Variants in DTNA observed in about 807,000 individuals in gnomAD.
DTNA encodes the protein dystrobrevin alpha.
In DTNA, 43 loss-of-function variants were observed where a neutral mutation model predicts 100.7. The observed-to-expected ratio is 0.43, with a 90% CI of 0.33 to 0.55. The LOEUF is 0.55. DTNA is among the 20% of genes least tolerant of loss of function. DTNA has a pLI of 0.04. For missense variants in DTNA, 798 were observed against 953.9 expected (o/e 0.84, Z 2.15); for synonymous variants, 349 against 347.9 (o/e 1.00, Z -0.04).
intron 5 of DTNA, among the ~76,000 whole-genome samples, chr18:34,808,849 G>T (rs143959836): frequency 9.9e-5 from 15 of 152,258 alleles, no homozygotes; most frequent in Non-Finnish European, 2.1e-4. Flanking sequence ...TTTCTAGTCT[G>T]CAGAAACAAG....
intron 1 of DTNA, among the ~76,000 whole-genome samples, chr18:34,647,797 A>G (rs532072685): frequency 4.9e-4 from 75 of 152,354 alleles, no homozygotes; most frequent in African/African-American, 1.8e-3. Context: ...CAGCTAATAT[A>G]GGCTCTAAAA....
intron 1 of DTNA, among the ~76,000 whole-genome samples, chr18:34,518,373 CT>C: frequency 6.6e-6 from 1 of 151,890 alleles, no homozygotes; most frequent in African/African-American, 2.4e-5. Flanking sequence ...TGTATCTTGT[CT>C]TTTTTTCTTG....
In DTNA at chr18:34,587,401, C is replaced by T. The variant is rs1234646918; in HGVS notation, c.-2+93887C>T. ...CTCTCTCTTTCATTTTCTTTGTTCT[C>T]CTCTGCACTCCACATAGTGTGAAAT... On this transcript the variant is annotated intron_variant, in intron 1 of 19. Transcript: ENST00000283365. Among the ~76,000 whole-genome samples the T allele has an allele frequency of 2.6e-5, 4 of 152,174 alleles. No individual in the cohort carries two copies. In the East Asian group the frequency reaches 7.7e-4, roughly 29 times the overall value.
intron 1 of DTNA, among the ~76,000 whole-genome samples, chr18:34,626,651 G>A (rs1027439271): frequency 6.6e-6 from 1 of 152,096 alleles, no homozygotes; most frequent in Non-Finnish European, 1.5e-5. Flanking sequence ...GAAAATCAGG[G>A]AAGATCAGTT....
intron 1 of DTNA, among the ~76,000 whole-genome samples, chr18:34,748,899 G>A (rs1223929284): frequency 6.6e-6 from 1 of 152,166 alleles, no homozygotes; most frequent in Admixed American, 6.5e-5. Context: ...TGGGCACAAT[G>A]GTCATTTTCA....
At chr18:34,784,282 C>T (rs1012624277) in intron 3 of DTNA, among the ~76,000 whole-genome samples, 1 of 152,124 alleles carries the variant, frequency 6.6e-6, no homozygotes, top group Non-Finnish European at 1.5e-5. Context: ...AAGATATTCC[C>T]TCATTGAAAA....
chr18:34,635,056 C>T (rs1441367106), intron 1 of DTNA, among the ~76,000 whole-genome samples: 1 of 152,134 alleles, frequency 6.6e-6, no homozygotes, highest in Non-Finnish European at 1.5e-5. Flanking sequence ...TGCTAACCAC[C>T]ATTCTATTCT....
At chr18:34,653,590 A>T (rs1396375012) in intron 1 of DTNA, among the ~76,000 whole-genome samples, 1 of 152,134 alleles carries the variant, frequency 6.6e-6, no homozygotes, top group African/African-American at 2.4e-5. Flanking sequence ...TGGGAGGCTG[A>T]GGTGGGCGGA....
At chr18:34,705,079 G>C (rs1359331138) in intron 1 of DTNA, among the ~76,000 whole-genome samples, 1 of 152,018 alleles carries the variant, frequency 6.6e-6, no homozygotes, top group Non-Finnish European at 1.5e-5. Flanking sequence ...GGCCATAAAA[G>C]AACTCAGAGG....
intron 1 of DTNA, among the ~76,000 whole-genome samples, chr18:34,505,653 T>A (rs947135101): frequency 6.6e-6 from 1 of 152,202 alleles, no homozygotes; most frequent in Non-Finnish European, 1.5e-5. Context: ...TTTTGGGTAT[T>A]TTTTTCAATT....
chr18:34,541,880 G>A (rs761929530), intron 1 of DTNA, among the ~76,000 whole-genome samples: 1 of 152,012 alleles, frequency 6.6e-6, no homozygotes, highest in East Asian at 1.9e-4. Context: ...AAAGCTGCAA[G>A]GTGTGATGGG....
At chr18:34,597,327 C>T (rs192483246) in intron 1 of DTNA, among the ~76,000 whole-genome samples, 2 of 152,254 alleles carry the variant, frequency 1.3e-5, no homozygotes, top group East Asian at 3.9e-4. Context: ...TGGCCTATAT[C>T]CAGTACTAAG....
At chr18:34,714,266 A>G (rs879310304) in intron 1 of DTNA, among the ~76,000 whole-genome samples, 1 of 149,466 alleles carries the variant, frequency 6.7e-6, no homozygotes, top group Non-Finnish European at 1.5e-5. Context: ...TCTCCACAGC[A>G]AAAGAAACTA....
At chr18:34,813,899 C>A (rs2095541185) in intron 6 of DTNA, among the ~76,000 whole-genome samples, 1 of 149,202 alleles carries the variant, frequency 6.7e-6, no homozygotes, top group Non-Finnish European at 1.5e-5. Flanking sequence ...TTTTTTCATT[C>A]AATTTTACTG....
intron 4 of DTNA, among the ~76,000 whole-genome samples, chr18:34,796,760 C>A (rs1409177504): frequency 1.3e-5 from 2 of 152,132 alleles, no homozygotes; most frequent in Non-Finnish European, 2.9e-5. Flanking sequence ...AGAAACTTGG[C>A]CATTTTGTGG....
At chr18:34,508,857 A>G (rs936191483) in intron 1 of DTNA, among the ~76,000 whole-genome samples, 1 of 152,160 alleles carries the variant, frequency 6.6e-6, no homozygotes, top group African/African-American at 2.4e-5. Context: ...GTATGTTTCA[A>G]TTACATATAC....
At chr18:34,615,980 A>G (rs574340497) in intron 1 of DTNA, among the ~76,000 whole-genome samples, 9 of 152,234 alleles carry the variant, frequency 5.9e-5, no homozygotes, top group Middle Eastern at 3.4e-3. Context: ...TTTTTGTTCA[A>G]TCCACCATTA....
At chr18:34,859,787 C>G (rs1476954351) in intron 16 of DTNA, among the ~76,000 whole-genome samples, 1 of 151,718 alleles carries the variant, frequency 6.6e-6, no homozygotes, top group African/African-American at 2.4e-5. Context: ...TTCTCAGAGT[C>G]AGAAGCTAGG....
At chr18:34,498,395 T>G (rs537291200) in intron 1 of DTNA, among the ~76,000 whole-genome samples, 102 of 150,788 alleles carry the variant, frequency 6.8e-4, no homozygotes, top group Non-Finnish European at 1.3e-3. Flanking sequence ...ATCGCGCCAC[T>G]GTGCTCCAGC....
Sources: gnomAD v4.1 joint callset for allele counts (sites outside exome capture counted in the v4.1 genomes callset) on GRCh38, gnomAD v4.1.1 for gene constraint, MANE v1.5 for transcripts, NCBI Gene and HGNC (gene_info 2026-07-23, HGNC 2026-07-21) for gene names.